The following FNIP2 variants were observed in gnomAD, a reference collection of about 807,000 sequenced individuals.
FNIP2 encodes folliculin interacting protein 2.
Under a neutral mutation model 108.7 loss-of-function variants are expected in FNIP2, and 32 were observed. The ratio of observed to expected loss-of-function variants is 0.29; its 90% CI spans 0.22 to 0.40. The LOEUF is 0.40. Among genes scored for constraint, FNIP2 ranks in the 10% least tolerant of loss-of-function variants. The probability of loss-of-function intolerance (pLI) is 1.00; values close to 1 mark genes in which losing one functional copy is unlikely to be tolerated. For missense variants in FNIP2, 1,202 were observed against 1,381.6 expected (o/e 0.87, Z 2.06); for synonymous variants, 480 against 496.7 (o/e 0.97, Z 0.45).
chr4:158,798,074 T>C (rs1375199174), intron 1 of FNIP2, among the ~76,000 whole-genome samples: 1 of 152,154 alleles, frequency 6.6e-6, no homozygotes, highest in African/African-American at 2.4e-5. Context: ...TTGTTGTTGT[T>C]GTTTTTTAGA....
chr4:158,816,909 A>T (rs1237200045), intron 1 of FNIP2, among the ~76,000 whole-genome samples: 1 of 151,882 alleles, frequency 6.6e-6, no homozygotes, highest in Non-Finnish European at 1.5e-5. Context: ...TAGTTTATAG[A>T]TATCAGAAAA....
intron 1 of FNIP2, among the ~76,000 whole-genome samples, chr4:158,788,551 G>A (rs936451595): frequency 7.2e-5 from 11 of 152,212 alleles, no homozygotes; most frequent in African/African-American, 2.4e-4. Flanking sequence ...AGCTAATAGG[G>A]AAGTTTAACC....
intron 7 of FNIP2, among the ~76,000 whole-genome samples, chr4:158,842,798 G>A (rs1327385705): frequency 1.3e-5 from 2 of 151,978 alleles, no homozygotes; most frequent in African/African-American, 4.8e-5. Flanking sequence ...TTTTATTAAA[G>A]GGCCTTTATA....
chr4:158,841,000 A>G (rs777695971), intron 7 of FNIP2, among the ~76,000 whole-genome samples: 1 of 152,260 alleles, frequency 6.6e-6, no homozygotes, highest in Non-Finnish European at 1.5e-5. Flanking sequence ...CTACATTATC[A>G]TAGTGTTCAA....
intron 1 of FNIP2, among the ~76,000 whole-genome samples, chr4:158,822,424 C>A (rs1777936243): frequency 6.6e-6 from 1 of 152,104 alleles, no homozygotes; most frequent in African/African-American, 2.4e-5. Context: ...ATCAGCCGGC[C>A]TCGGTCTCCC....
At chr4:158,790,947 A>C (rs1776393330) in intron 1 of FNIP2, among the ~76,000 whole-genome samples, 1 of 151,964 alleles carries the variant, frequency 6.6e-6, no homozygotes. Flanking sequence ...TGTGCTCATA[A>C]TTTTTAAATT....
intron 1 of FNIP2, among the ~76,000 whole-genome samples, chr4:158,808,241 A>G (rs1480281556): frequency 6.6e-6 from 1 of 152,206 alleles, no homozygotes. Context: ...TTAGGATGAA[A>G]GATGGGGATT....
intron 1 of FNIP2, among the ~76,000 whole-genome samples, chr4:158,798,118 G>T (rs771930175): frequency 3.3e-5 from 5 of 152,094 alleles, no homozygotes; most frequent in East Asian, 1.9e-4. Flanking sequence ...AAGCCAAAGC[G>T]CAGTGGTGTG....
chr4:158,869,553 A>G (rs988344684), intron 13 of FNIP2, 125 bp downstream of exon 13: 5 of 1,274,678 alleles, frequency 3.9e-6, no homozygotes, highest in Non-Finnish European at 5.2e-6. Context: ...TTTTCCACAA[A>G]GTACTAGAAG....
At chr4:158,791,266 CTTTTTTTTTTTTTTTTTTT>C (rs199714823) in intron 1 of FNIP2, among the ~76,000 whole-genome samples, 9 of 98,070 alleles carry the variant, frequency 9.2e-5, no homozygotes, top group Middle Eastern at 6.0e-3. Context: ...ACTGAGGATC[CTTTTTTTTTTTTTTTTTTT>C]TTTTTTTTTT....
intron 14 of FNIP2, among the ~76,000 whole-genome samples, chr4:158,880,151 T>C (rs1003078294): frequency 1.3e-5 from 2 of 150,638 alleles, no homozygotes; most frequent in African/African-American, 4.9e-5. Context: ...CACGTATGTT[T>C]ATTGTGGCAC....
rs190224358 is a variant in FNIP2, at chr4:158,885,783, C to T, written c.2950-5663C>T. ...CCCAGATTGAGTTGCTGAGGTTCCA[C>T]AGCTGGTAAGTGACGGTGGTTGTAT... On this transcript the variant is annotated intron_variant, in intron 14 of 16. Transcript: ENST00000264433. Among the ~76,000 whole-genome samples the T allele has an allele frequency of 1.7e-4, 26 of 152,348 alleles. No homozygotes were observed. The East Asian group carries it at 2.3e-3, about 14-fold the overall frequency.
intron 6 of FNIP2, chr4:158,833,989 A>C (rs571306374): frequency 6.7e-6 from 5 of 751,464 alleles, no homozygotes; most frequent in African/African-American, 1.8e-5. Flanking sequence ...TAGAAATCCA[A>C]GGGGCTCTTG....
At chr4:158,838,193 A>G (rs1472699461) in intron 7 of FNIP2, among the ~76,000 whole-genome samples, 1 of 151,714 alleles carries the variant, frequency 6.6e-6, no homozygotes, top group African/African-American at 2.4e-5. Flanking sequence ...GAGAAATTAA[A>G]GACATAAAGA....
At chr4:158,798,489 G>A (rs1776661093) in intron 1 of FNIP2, among the ~76,000 whole-genome samples, 1 of 152,056 alleles carries the variant, frequency 6.6e-6, no homozygotes, top group South Asian at 2.1e-4. Context: ...TTCTGCTATA[G>A]CACTCACCAT....
intron 14 of FNIP2, among the ~76,000 whole-genome samples, chr4:158,880,447 G>C (rs1290360296): frequency 6.6e-6 from 1 of 152,214 alleles, no homozygotes; most frequent in African/African-American, 2.4e-5. Flanking sequence ...GTGGTGGAGT[G>C]GGGGGAGTGG....
At chr4:158,828,787 CAAAT>C (rs1416066333) in intron 2 of FNIP2, among the ~76,000 whole-genome samples, 4 of 152,254 alleles carry the variant, frequency 2.6e-5, no homozygotes, top group South Asian at 4.1e-4. Flanking sequence ...AATCAAAACT[CAAAT>C]AACCAAAACA....
intron 7 of FNIP2, among the ~76,000 whole-genome samples, chr4:158,849,295 G>C (rs1660895814): frequency 6.6e-6 from 1 of 152,136 alleles, no homozygotes; most frequent in Non-Finnish European, 1.5e-5. Context: ...CAGGGAGGAG[G>C]GGGAGCAGGA....
At chr4:158,872,004 GT>G (rs1040892022) in intron 14 of FNIP2, 246 of 802,780 alleles carry the variant, frequency 3.1e-4, no homozygotes, top group Middle Eastern at 6.4e-4. Context: ...ACTGTGAGTT[GT>G]TTTTTTTTTT....
Sources: gnomAD v4.1 joint callset for allele counts (sites outside exome capture counted in the v4.1 genomes callset) on GRCh38, gnomAD v4.1.1 for gene constraint, MANE v1.5 for transcripts, NCBI Gene and HGNC (gene_info 2026-07-23, HGNC 2026-07-21) for gene names.